Variants in GNAL observed in about 807,000 individuals in gnomAD.
GNAL encodes G protein subunit alpha L.
GNAL carries 18 observed loss-of-function variants against 55.1 expected under a neutral mutation model. The ratio of observed to expected loss-of-function variants is 0.33; its 90% CI spans 0.23 to 0.48. The LOEUF (loss-of-function observed/expected upper bound fraction) is 0.48, where lower values mean the gene tolerates loss of function less well. GNAL is among the 20% of genes least tolerant of loss of function. The pLI is 0.99. For synonymous variants in GNAL, 253 were observed against 237.0 expected (o/e 1.07, Z -0.62); for missense variants, 412 against 614.1 (o/e 0.67, Z 3.48).
intron 5 of GNAL, chr18:11,851,345 C>T (rs2035857782): frequency 1.1e-6 from 1 of 897,552 alleles, no homozygotes; most frequent in African/African-American, 1.7e-5. Context: ...GTCCCGCAGG[C>T]TCCGCCTTTG....
intron 4 of GNAL, among the ~76,000 whole-genome samples, chr18:11,814,072 A>G (rs533702105): frequency 9.9e-5 from 15 of 152,168 alleles, no homozygotes; most frequent in Non-Finnish European, 1.6e-4. Flanking sequence ...TAAATGTAAG[A>G]GCTGAAAACT....
At chr18:11,715,241 C>A in intron 1 of GNAL, among the ~76,000 whole-genome samples, 1 of 151,822 alleles carries the variant, frequency 6.6e-6, no homozygotes, top group Admixed American at 6.6e-5. Flanking sequence ...GGGCGGATCA[C>A]AAGGTCAGGA....
At chr18:11,824,831 C>A in intron 4 of GNAL, 87 bp from the exon 5 acceptor site, 2 of 706,150 alleles carry the variant, frequency 2.8e-6, no homozygotes, top group Non-Finnish European at 2.4e-6. Context: ...TTGCAAAAAA[C>A]AGTTTTTGCA....
intron 4 of GNAL, among the ~76,000 whole-genome samples, chr18:11,802,698 G>A (rs1008890240): frequency 6.6e-6 from 1 of 152,204 alleles, no homozygotes; most frequent in East Asian, 1.9e-4. Context: ...TCTCTGTTAG[G>A]AGAAACAAAC....
At position 11,690,102 on chromosome 18, in the gene GNAL, A is replaced by G. The variant is rs571660514; in HGVS notation, c.376+163A>G. Among the ~76,000 whole-genome samples the G allele has an allele frequency of 1.0e-4, 15 of 149,204 alleles. No individual in the cohort carries two copies. In the South Asian group the frequency reaches 2.9e-3, roughly 29 times the overall value. On this transcript the variant is annotated intron_variant, in intron 1 of 11. Transcript: ENST00000334049. ...GACGGGCGGCGGGCGCGGACGGGCT[A>G]CAGAGCGTTTAAACTGTGGGTGGAA...
chr18:11,862,173 TTAAAAAAAA>T (rs1449644545), intron 5 of GNAL, among the ~76,000 whole-genome samples: 1 of 151,646 alleles, frequency 6.6e-6, no homozygotes, highest in Non-Finnish European at 1.5e-5. Context: ...GAAGGCAACA[TTAAAAAAAA>T]GAAAAAAAAA....
intron 1 of GNAL, among the ~76,000 whole-genome samples, chr18:11,716,973 T>C (rs1180769549): frequency 2.0e-5 from 3 of 152,180 alleles, no homozygotes; most frequent in African/African-American, 7.2e-5. Flanking sequence ...AGGTGGTCGA[T>C]GGGACTGGGT....
At chr18:11,816,670 T>C (rs2034963997) in intron 4 of GNAL, among the ~76,000 whole-genome samples, 1 of 151,852 alleles carries the variant, frequency 6.6e-6, no homozygotes, top group Non-Finnish European at 1.5e-5. Context: ...AAAAATTAGC[T>C]GGATCTGATG....
In GNAL at chr18:11,868,754, T is replaced by A; in HGVS notation, c.1031+91T>A. 2 of 1,089,380 alleles carry A rather than the reference T, an allele frequency of 1.8e-6. No individual in the cohort carries two copies. The highest frequency in any genetic ancestry group is 1.3e-6 in the Non-Finnish European group (1 of 752,438). 67.5% of individuals were successfully genotyped at this position (1,089,380 alleles called of 1,614,324 possible). On this transcript the variant is annotated intron_variant, in intron 9 of 11. Coordinates refer to ENST00000334049, the MANE Select transcript of GNAL (RefSeq NM_182978.4). The surrounding 1 kb of genome is among the most constrained non-coding windows in gnomAD (Gnocchi z 4.0). ...CAGGCCAGGCGTTGTGGCTCACACC[T>A]GTAATCTCAACACTGGGAGGCCGAG...
At position 11,767,695 on chromosome 18, in the gene GNAL, CCTTGCA is replaced by C. The variant is rs1342697050; in HGVS notation, c.624+13758_624+13763del. Reference sequence around the variant, plus strand: ...GTTTGCACAATTGCGCTCTGTGCATCCTTGCACTTGCACGCTTGCTGTCTGTGCACG... The same window carrying C: ...GTTTGCACAATTGCGCTCTGTGCATCCTTGCACGCTTGCTGTCTGTGCACG... On this transcript the variant is annotated intron_variant, in intron 4 of 11. Transcript: ENST00000334049. Among the ~76,000 whole-genome samples, 5 of 152,188 alleles carry C rather than the reference CCTTGCA, an allele frequency of 3.3e-5. No homozygotes were observed. In the South Asian group the frequency reaches 1.0e-3, roughly 31 times the overall value.
At chr18:11,744,308 A>G (rs2032641633) in intron 1 of GNAL, among the ~76,000 whole-genome samples, 1 of 152,228 alleles carries the variant, frequency 6.6e-6, no homozygotes, top group Non-Finnish European at 1.5e-5. Flanking sequence ...TAGAAGATAA[A>G]TTATTTCAAT....
chr18:11,795,435 T>C (rs1217508424), intron 4 of GNAL, among the ~76,000 whole-genome samples: 1 of 151,848 alleles, frequency 6.6e-6, no homozygotes, highest in Non-Finnish European at 1.5e-5. Flanking sequence ...ACAACATTTG[T>C]ACTATCATTA....
intron 1 of GNAL, among the ~76,000 whole-genome samples, chr18:11,690,771 C>G (rs1282510330): frequency 6.6e-6 from 1 of 151,720 alleles, no homozygotes; most frequent in Admixed American, 6.6e-5. Context: ...CATCCATGTC[C>G]CTACAAAGGA....
chr18:11,733,375 A>G (rs7227117), intron 1 of GNAL, among the ~76,000 whole-genome samples: 23,617 of 152,224 alleles, frequency 0.16, 3,210 homozygotes, highest in African/African-American at 0.37. Context: ...GGAGAGCAGA[A>G]GCGAAACTGG....
intron 7 of GNAL, among the ~76,000 whole-genome samples, chr18:11,865,039 A>G (rs1349360974): frequency 1.3e-5 from 2 of 151,942 alleles, no homozygotes; most frequent in African/African-American, 4.8e-5. Context: ...TTCTCCCTCC[A>G]CAAAGCTCTT....
intron 5 of GNAL, among the ~76,000 whole-genome samples, chr18:11,825,964 C>G (rs575502319): frequency 6.6e-6 from 1 of 152,132 alleles, no homozygotes; most frequent in African/African-American, 2.4e-5. Flanking sequence ...CTGTGGATAG[C>G]AAGAAATGAA....
rs553694275 is a variant in GNAL at position 11,752,342 on chromosome 18, A to T, written c.377-511A>T. The T allele has an allele frequency of 4.5e-5, 67 of 1,494,844 alleles. No homozygotes were observed. In the African/African-American group the frequency reaches 9.2e-4, roughly 20 times the overall value. 92.6% of individuals were successfully genotyped at this position (1,494,844 alleles called of 1,614,324 possible). A position where few individuals can be genotyped will look rare whatever the true frequency, so the allele number is the denominator to read the frequency against. On this transcript the variant is annotated intron_variant, in intron 1 of 11. Coordinates refer to ENST00000334049, the MANE Select transcript of GNAL (RefSeq NM_182978.4). This position sits in a 1 kb window ranked among gnomAD's most constrained non-coding sequence, Gnocchi z 4.5. ...CATCTCTTTCAGCAGCAGGAAAGAG[A>T]GGAGCCGTCGCAGGAGCCGCACACG...
At chr18:11,756,693 A>G (rs751676620) in intron 4 of GNAL, among the ~76,000 whole-genome samples, 12 of 152,090 alleles carry the variant, frequency 7.9e-5, no homozygotes, top group Non-Finnish European at 1.6e-4. Flanking sequence ...TATTTATATT[A>G]CTTATTAAAT....
chr18:11,844,763 C>T (rs2035694691), intron 5 of GNAL, among the ~76,000 whole-genome samples: 2 of 152,226 alleles, frequency 1.3e-5, no homozygotes, highest in Admixed American at 6.5e-5. Flanking sequence ...ACAGAAGGTG[C>T]TCCCCGAGGA....
Sources: allele counts gnomAD v4.1 joint callset (sites outside exome capture counted in the v4.1 genomes callset), GRCh38; gene constraint gnomAD v4.1.1; non-coding constraint Gnocchi (gnomAD v3.1); transcripts MANE v1.5; gene names NCBI Gene and HGNC (gene_info 2026-07-23, HGNC 2026-07-21).